AP3M1: variants seen among roughly 807,000 people sequenced by gnomAD.
AP3M1 encodes the protein adaptor related protein complex 3 subunit mu 1, also known as AP-3 complex subunit mu-1.
A neutral mutation model predicts 42.6 loss-of-function variants in AP3M1; 29 were observed. The observed-to-expected ratio is 0.68, with a 90% CI of 0.51 to 0.93. The LOEUF (loss-of-function observed/expected upper bound fraction) is 0.93, where lower values mean the gene tolerates loss of function less well. AP3M1 is among the 40% of genes least tolerant of loss of function. The pLI is 0.00. For synonymous variants in AP3M1, 178 were observed against 175.3 expected, an observed-to-expected ratio of 1.02 and a Z score of -0.12; for missense variants, 416 against 510.2, an observed-to-expected ratio of 0.82 and a Z score of 1.78.
intron 1 of AP3M1, among the ~76,000 whole-genome samples, chr10:74,139,778 G>A (rs1336808591): frequency 6.6e-6 from 1 of 151,966 alleles, no homozygotes; most frequent in African/African-American, 2.4e-5. Flanking sequence ...GTGGTGGCAC[G>A]CACCTGTAGT....
In AP3M1 at chr10:74,129,906, C is replaced by A; in HGVS notation, c.669+1G>T. On this transcript the variant is annotated splice_donor_variant, in intron 5 of 8. Transcript: ENST00000355264. LOFTEE classifies it high-confidence loss of function. ...CTATAAAACAGGAGAATAAAACTTA[C>A]CATGAAAGAAAGGGAGAGATCAGGC... The A allele has an allele frequency of 6.2e-7, 1 of 1,608,344 alleles. No individual in the cohort carries two copies.
intron 2 of AP3M1, among the ~76,000 whole-genome samples, chr10:74,137,628 C>T (rs981463195): frequency 6.6e-6 from 1 of 152,130 alleles, no homozygotes; most frequent in African/African-American, 2.4e-5. Context: ...CCTGTAGATA[C>T]CAAAGTTCAC....
intron 6 of AP3M1, among the ~76,000 whole-genome samples, chr10:74,127,742 T>C (rs914111176): frequency 6.6e-6 from 1 of 152,086 alleles, no homozygotes; most frequent in African/African-American, 2.4e-5. Flanking sequence ...AAATGAATTA[T>C]GATCCCACTG....
chr10:74,126,018 T>G, intron 7 of AP3M1, 130 bp downstream of exon 7: 1 of 894,982 alleles, frequency 1.1e-6, no homozygotes, highest in South Asian at 1.5e-5. Context: ...CACAGCACAG[T>G]ATGCTCTCTA....
Position 74,120,904 on chromosome 10 carries a change from CT to C in AP3M1, c.*2905del, listed in dbSNP as rs1840430531. ...CACCAGGGCTATAAAACAGAGTTAG[CT>C]TTTGGGGACATAGTCCTCTTCTTCC... On this transcript the variant is annotated 3_prime_UTR_variant, in exon 9 of 9. Coordinates refer to ENST00000355264, the MANE Select transcript of AP3M1 (RefSeq NM_012095.6). The C allele has an allele frequency of 6.6e-6, 1 of 152,154 alleles. No homozygotes were observed. The allele number at this position is 152,154 out of a possible 1,614,324, so 9.4% of individuals were successfully genotyped here.
rs570172343 is a variant in AP3M1 at position 74,141,296 on chromosome 10, C to T, written c.-3-2914G>A. On this transcript the variant is annotated intron_variant, in intron 1 of 8. Coordinates refer to ENST00000355264, the MANE Select transcript of AP3M1 (RefSeq NM_012095.6). ...TAAAAACTAGCCAGGCATAGTGGCT[C>T]ATACCTGTAGTCCCTGCTACTTGGG... Among the ~76,000 whole-genome samples, 68 of 152,198 alleles carry T rather than the reference C, an allele frequency of 4.5e-4. No homozygotes were observed. The East Asian group carries it at 7.3e-3, about 16-fold the overall frequency.
chr10:74,141,729 T>G (rs1322207533), intron 1 of AP3M1, among the ~76,000 whole-genome samples: 1 of 151,026 alleles, frequency 6.6e-6, no homozygotes, highest in East Asian at 1.9e-4. Flanking sequence ...TTTTTTTTTT[T>G]TGAGATGGAG....
chr10:74,149,317 T>G (rs1841455052), intron 1 of AP3M1, among the ~76,000 whole-genome samples: 3 of 121,622 alleles, frequency 2.5e-5, no homozygotes, highest in African/African-American at 6.8e-5. Flanking sequence ...CGAGGCAGAG[T>G]CTCGCTCTGT....
chr10:74,145,391 CTTG>C (rs1375758274), intron 1 of AP3M1, among the ~76,000 whole-genome samples: 1 of 152,162 alleles, frequency 6.6e-6, no homozygotes, highest in Non-Finnish European at 1.5e-5. Flanking sequence ...AAGCATAACA[CTTG>C]TAAGTTCTCG....
intron 3 of AP3M1, 135 bp downstream of exon 3, chr10:74,136,497 C>G: frequency 1.8e-6 from 1 of 560,594 alleles, no homozygotes. Context: ...TATAGTACAT[C>G]CATTTTAACT....
intron 1 of AP3M1, among the ~76,000 whole-genome samples, chr10:74,146,471 A>G (rs1021149545): frequency 2.0e-5 from 3 of 152,138 alleles, no homozygotes; most frequent in African/African-American, 7.2e-5. Context: ...CCTGGTCTAG[A>G]GTCTTGACTA....
chr10:74,137,112 C>A (rs1169746574), intron 2 of AP3M1, among the ~76,000 whole-genome samples: 1 of 152,036 alleles, frequency 6.6e-6, no homozygotes, highest in African/African-American at 2.4e-5. Flanking sequence ...TGATGGTGCA[C>A]ACCTGTGGTC....
At chr10:74,149,068 T>TC (rs1157059785) in intron 1 of AP3M1, among the ~76,000 whole-genome samples, 1 of 151,154 alleles carries the variant, frequency 6.6e-6, no homozygotes, top group Non-Finnish European at 1.5e-5. Flanking sequence ...TGACGGGGTT[T>TC]CTCCATATTT....
rs1177297641 is a variant in AP3M1, at chr10:74,129,128, T to C, written c.783A>G (p.Ser261=). 1.2e-6 allele frequency: 2 copies of C among 1,614,112 alleles called. No homozygotes were observed. Among genetic ancestry groups the C allele is most frequent in the Middle Eastern group, 1.6e-4 (1 of 6,062 alleles). ...CATACTTTTGTGAGCTGACACGGTA[T>C]GATATGAGTCGGAAATTTCCATCTG... The part of the protein sequence containing the change: ...IPPDGNFRLI[S]YRVSSQNLVA... The change falls in exon 6 of 9, where the codon TCA becomes TCG. Residue 261 remains serine, a synonymous_variant. Coordinates refer to ENST00000355264, the MANE Select transcript of AP3M1 (RefSeq NM_012095.6).
At chr10:74,131,401 TCGTGATCCACC>T (rs1490868145) in intron 4 of AP3M1, among the ~76,000 whole-genome samples, 1 of 151,970 alleles carries the variant, frequency 6.6e-6, no homozygotes, top group Non-Finnish European at 1.5e-5. Context: ...TCTCCTAACC[TCGTGATCCACC>T]CGCCTCAGCC....
At chr10:74,132,272 A>G (rs889246595) in intron 4 of AP3M1, among the ~76,000 whole-genome samples, 4 of 152,060 alleles carry the variant, frequency 2.6e-5, no homozygotes, top group Non-Finnish European at 5.9e-5. Flanking sequence ...TCCTGACCTC[A>G]AGTGATCTGC....
At chr10:74,141,124 C>T (rs1444937005) in intron 1 of AP3M1, among the ~76,000 whole-genome samples, 2 of 152,116 alleles carry the variant, frequency 1.3e-5, no homozygotes, top group Non-Finnish European at 2.9e-5. Flanking sequence ...AAAGGGACCC[C>T]TATCCGGAAA....
At position 74,146,543 on chromosome 10, in the gene AP3M1, A is replaced by G. The variant is rs149843512; in HGVS notation, c.-4+4212T>C. 3.1e-3 allele frequency among the ~76,000 whole-genome samples: 471 copies of G among 152,256 alleles called. 1 individual carries two copies. The highest frequency in any genetic ancestry group is 0.01 in the African/African-American group (430 of 41,550). The stretch of plus-strand genomic sequence containing the variant: ...TTAGGTTTTGTGCTAAAAAACATTT[A>G]GGCTTGGAGGAGGGGGTGTGTGGAG... On this transcript the variant is annotated intron_variant, in intron 1 of 8. Coordinates refer to ENST00000355264, the MANE Select transcript of AP3M1 (RefSeq NM_012095.6).
rs139939962 is a variant in AP3M1 at position 74,121,337 on chromosome 10, C to T, written c.*2473G>A. ...GGAATGAACCTATCACAGGAACTCC[C>T]TTTGAATAAAATGATGGTGACTCCC... On this transcript the variant is annotated 3_prime_UTR_variant, in exon 9 of 9. Transcript: ENST00000355264. 5.3e-4 allele frequency: 81 copies of T among 152,348 alleles called. No homozygotes were observed. The highest frequency in any genetic ancestry group is 1.9e-3 in the African/African-American group (79 of 41,586). The allele number at this position is 152,348 out of a possible 1,614,324, so 9.4% of individuals were successfully genotyped here. A position where few individuals can be genotyped will look rare whatever the true frequency, so the allele number is the denominator to read the frequency against.
Sources: allele counts gnomAD v4.1 joint callset (sites outside exome capture counted in the v4.1 genomes callset), GRCh38; gene constraint gnomAD v4.1.1; transcripts MANE v1.5; gene names NCBI Gene and HGNC (gene_info 2026-07-23, HGNC 2026-07-21).